The following AHNAK variants were observed in gnomAD, a reference collection of about 807,000 sequenced individuals.
The protein encoded by AHNAK is neuroblast differentiation-associated protein AHNAK.
AHNAK carries 23 observed loss-of-function variants against 37.8 expected under a neutral mutation model. The observed-to-expected ratio is 0.61, with a 90% CI of 0.44 to 0.86. AHNAK has a LOEUF of 0.86. AHNAK is among the 40% of genes least tolerant of loss of function. AHNAK has a pLI of 0.00. For missense variants in AHNAK, 7,411 were observed against 7,319.4 expected (o/e 1.01, Z -0.46); for synonymous variants, 2,481 against 2,636.3 (o/e 0.94, Z 1.80).
In AHNAK at chr11:62,521,717, C is replaced by G; in HGVS notation, c.12700G>C (p.Glu4234Gln). 6.2e-7 allele frequency: 1 copy of G among 1,613,892 alleles called. No individual in the cohort carries two copies. The highest frequency in any genetic ancestry group is 8.5e-7 in the Non-Finnish European group (1 of 1,179,994). ...CCCTTTAGTTTCGCATCTGGACCTTCGATATTCACATCAGGAACATCAATG... is the reference window on the plus strand; with the variant it reads ...CCCTTTAGTTTCGCATCTGGACCTTGGATATTCACATCAGGAACATCAATG... ...VDIDVPDVNI[E>Q]GPDAKLKGPK... The change falls in exon 5 of 5, where the codon GAA (glutamate) becomes CAA (glutamine). Residue 4234 changes from glutamate (E) to glutamine (Q), a missense_variant. Glu to Gln is a conservative substitution (Grantham distance 29). Transcript: ENST00000378024.
intron 4 of AHNAK, among the ~76,000 whole-genome samples, chr11:62,492,802 CAGG>C (rs1163082360): frequency 2.0e-5 from 3 of 151,136 alleles, no homozygotes; most frequent in African/African-American, 7.4e-5. Flanking sequence ...TGCCTGAGTC[CAGG>C]AGGTCAAGGC....
chr11:62,518,897 T>C lies in AHNAK; in HGVS notation c.15520A>G (p.Asn5174Asp), dbSNP rs763164549. 86 of 1,614,106 alleles carry C rather than the reference T, an allele frequency of 5.3e-5. 1 individual carries two copies. The South Asian group carries it at 7.8e-4, about 15-fold the overall frequency. ...ACTTTAGCATCTAGGCCTTCGATGT[T>C]GATGTCAGGTGCACCCAAGTTTGCC... ...VQANLGAPDINIEGLDAKVKT... is the reference protein window; with the variant it reads ...VQANLGAPDIDIEGLDAKVKT... Residue 5174 changes from asparagine (N) to aspartate (D), a missense_variant, in exon 5 of 5, where the codon AAC (asparagine) becomes GAC (aspartate). Transcript: ENST00000378024.
At chr11:62,469,704 G>C (rs922701700) in intron 5 of AHNAK, among the ~76,000 whole-genome samples, 1 of 152,034 alleles carries the variant, frequency 6.6e-6, no homozygotes, top group Non-Finnish European at 1.5e-5. Context: ...CTGGCCTCAC[G>C]TGATCTGCCC....
Position 62,528,652 on chromosome 11 carries a change from A to G in AHNAK, c.5765T>C (p.Ile1922Thr), listed in dbSNP as rs766864835. The change falls in exon 5 of 5, where the codon ATC (isoleucine) becomes ACC (threonine). Residue 1922 changes from isoleucine to threonine, a missense_variant. Physicochemically the swap from Ile to Thr is moderately conservative, Grantham distance 89 (BLOSUM62 -1). Coordinates refer to ENST00000378024, the MANE Select transcript of AHNAK (RefSeq NM_001620.3). ...MPDMHFKAPK[I>T]SMPDVDLHLK... Reference sequence around the variant, plus strand: ...GTGTAAGTCCACATCAGGCATGGAGATCTTGGGGGCCTTGAAGTGCATGTC... The same window carrying G: ...GTGTAAGTCCACATCAGGCATGGAGGTCTTGGGGGCCTTGAAGTGCATGTC... 1 of 1,609,112 alleles carries G rather than the reference A, an allele frequency of 6.2e-7. No individual in the cohort carries two copies. The highest frequency in any genetic ancestry group is 1.7e-5 in the Admixed American group (1 of 58,486).
Position 62,473,701 on chromosome 11 carries a change from T to C in AHNAK, c.442+18031A>G, listed in dbSNP as rs1168221582. On this transcript the variant is annotated intron_variant, in intron 5 of 5. Transcript: ENST00000257247. ...CTCCGTCTCAAAAAAAAAAAAGCTG[T>C]ATAAAACAATGATAGGAACCAGGCT... 3.4e-5 allele frequency among the ~76,000 whole-genome samples: 5 copies of C among 147,526 alleles called. No homozygotes were observed. The East Asian group carries it at 1.0e-3, about 29-fold the overall frequency.
chr11:62,517,949 C>T lies in AHNAK; in HGVS notation c.16468G>A (p.Gly5490Arg), dbSNP rs767744678. ...LPGIGVQGLEGNLQMPGIKSS... is the reference protein window; with the variant it reads ...LPGIGVQGLERNLQMPGIKSS... The stretch of plus-strand genomic sequence containing the variant: ...TTAATTCCAGGCATCTGGAGGTTTC[C>T]TTCTAGGCCTTGAACACCAATGCCT... Residue 5490 changes from glycine to arginine, a missense_variant, in exon 5 of 5, where the codon GGA (glycine) becomes AGA (arginine). Transcript: ENST00000378024. The T allele has an allele frequency of 1.9e-6, 3 of 1,614,192 alleles. No homozygotes were observed. Among genetic ancestry groups the T allele is most frequent in the Middle Eastern group, 1.6e-4 (1 of 6,062 alleles).
Position 62,535,678 on chromosome 11 carries a change from C to CCAAATCTG in AHNAK, c.154+259_154+266dup, listed in dbSNP as rs986116679. 7.9e-5 allele frequency among the ~76,000 whole-genome samples: 12 copies of CCAAATCTG among 152,116 alleles called. No individual in the cohort carries two copies. In the East Asian group the frequency reaches 2.3e-3, roughly 29 times the overall value. ...AAAAAAAAAAGGCCAACTCATTTGC[C>CCAAATCTG]CAAATCTGCAGAGCTAGTGGGTGGT... On this transcript the variant is annotated intron_variant, in intron 3 of 4. Transcript: ENST00000378024.
At chr11:62,534,866 G>T in intron 4 of AHNAK, 137 bp downstream of exon 4, 1 of 907,746 alleles carries the variant, frequency 1.1e-6, no homozygotes, top group Non-Finnish European at 1.6e-6. Flanking sequence ...AAGGGCTCAA[G>T]AGAGTGAAGA....
chr11:62,535,237 G>A (rs1186104624), intron 3 of AHNAK, 47 bp from the exon 4 acceptor site: 2 of 1,551,928 alleles, frequency 1.3e-6, no homozygotes, highest in South Asian at 1.1e-5. Flanking sequence ...AGAGCCTCAG[G>A]GAAACCGCAC....
chr11:62,524,458 C>G lies in AHNAK; in HGVS notation c.9959G>C (p.Gly3320Ala), dbSNP rs377728942. ...ATCCAAACTGGGAGCTTTAATGTCA[C>G]CTTCCAACTTGGGCCCAGAGACATC... Reference protein sequence around the residue: ...DVDVSGPKLEGDIKAPSLDIK... With the variant: ...DVDVSGPKLEADIKAPSLDIK... The change falls in exon 5 of 5, where the codon GGT becomes GCT. Residue 3320 changes from glycine (G) to alanine (A), a missense_variant. Physicochemically the swap from Gly to Ala is moderately conservative, Grantham distance 60 (BLOSUM62 0). Coordinates refer to ENST00000378024, the MANE Select transcript of AHNAK (RefSeq NM_001620.3). 32 of 1,613,934 alleles carry G rather than the reference C, an allele frequency of 2.0e-5. No individual in the cohort carries two copies. Among genetic ancestry groups the G allele is most frequent in the Non-Finnish European group, 2.7e-5 (32 of 1,179,998 alleles).
intron 4 of AHNAK, among the ~76,000 whole-genome samples, chr11:62,506,950 C>G (rs189880046): frequency 4.0e-4 from 61 of 152,250 alleles, no homozygotes; most frequent in African/African-American, 1.4e-3. Context: ...ACCAGCCAAG[C>G]TGCCTGGCTT....
At chr11:62,441,753 C>T (rs1450035176) in intron 5 of AHNAK, among the ~76,000 whole-genome samples, 1 of 152,006 alleles carries the variant, frequency 6.6e-6, no homozygotes, top group Non-Finnish European at 1.5e-5. Context: ...CCACCCACCT[C>T]GGCCTCCCAA....
rs761087764 is a variant in AHNAK, at chr11:62,525,261, A to T, written c.9156T>A (p.Asp3052Glu). The T allele has an allele frequency of 3.1e-6, 5 of 1,599,426 alleles. No homozygotes were observed. Among genetic ancestry groups the T allele is most frequent in the Non-Finnish European group, 4.3e-6 (5 of 1,174,422 alleles). ...CAATGTCCACCTTGGGTCCTGAGAC[A>T]TCAAGGTCAGCCTTGGGCAGGTTCA... ...VDVNLPKADL[D>E]VSGPKVDIDV... Residue 3052 changes from aspartate to glutamate, a missense_variant, in exon 5 of 5, where the codon GAT (aspartate) becomes GAA (glutamate). Coordinates refer to ENST00000378024, the MANE Select transcript of AHNAK (RefSeq NM_001620.3).
rs764806643 is a variant in AHNAK at position 62,526,811 on chromosome 11, T to C, written c.7606A>G (p.Lys2536Glu). 6.2e-7 allele frequency: 1 copy of C among 1,613,710 alleles called. No individual in the cohort carries two copies. The change falls in exon 5 of 5, where the codon AAG (lysine) becomes GAG (glutamate). Residue 2536 changes from lysine (K) to glutamate (E), a missense_variant. By Grantham distance (56) the Lys-to-Glu change is moderately conservative (BLOSUM62 1). Transcript: ENST00000378024. Reference protein sequence around the residue: ...EGPEVDVNLPKADVDISGPKV... With the variant: ...EGPEVDVNLPEADVDISGPKV... ...GGTCCTGAGATGTCAACGTCAGCCT[T>C]AGGCAAGTTGACGTCTACTTCAGGG...
At position 62,529,696 on chromosome 11, in the gene AHNAK, A is replaced by G; in HGVS notation, c.4721T>C (p.Ile1574Thr). ...AGGCATAGAGATTTTGTGCGTCTGTATATTCATGCTTGGCATCTTGAACTT... is the reference window on the plus strand; with the variant it reads ...AGGCATAGAGATTTTGTGCGTCTGTGTATTCATGCTTGGCATCTTGAACTT... ...GPKFKMPSMN[I>T]QTHKISMPDV... The change falls in exon 5 of 5, where the codon ATA becomes ACA. Residue 1574 changes from isoleucine (I) to threonine (T), a missense_variant. Physicochemically the swap from Ile to Thr is moderately conservative, Grantham distance 89. Transcript: ENST00000378024. 6.2e-7 allele frequency: 1 copy of G among 1,614,098 alleles called. No individual in the cohort carries two copies. The highest frequency in any genetic ancestry group is 8.5e-7 in the Non-Finnish European group (1 of 1,180,014).
intron 1 of AHNAK, among the ~76,000 whole-genome samples, chr11:62,544,526 C>T (rs879825380): frequency 9.9e-5 from 15 of 152,138 alleles, no homozygotes; most frequent in Non-Finnish European, 1.2e-4. Flanking sequence ...CCAAACCCTG[C>T]GACCTCTCCT....
At chr11:62,483,918 T>C (rs1939333223) in intron 5 of AHNAK, among the ~76,000 whole-genome samples, 1 of 146,608 alleles carries the variant, frequency 6.8e-6, no homozygotes, top group Admixed American at 6.9e-5. Context: ...GCGCCTGTAG[T>C]CCCAGCTACT....
chr11:62,541,380 C>T (rs11822448), intron 1 of AHNAK, among the ~76,000 whole-genome samples: 6,576 of 152,282 alleles, frequency 0.043, 492 homozygotes, highest in African/African-American at 0.15. Context: ...CGACCCACCA[C>T]ACACACAAGG....
downstream of AHNAK, among the ~76,000 whole-genome samples, chr11:62,515,024 A>T (rs998587465): frequency 6.6e-6 from 1 of 152,190 alleles, no homozygotes; most frequent in Non-Finnish European, 1.5e-5. Context: ...GAGGGGGACA[A>T]GCTTGGTCCA....
Sources: allele counts gnomAD v4.1 joint callset (sites outside exome capture counted in the v4.1 genomes callset), GRCh38; gene constraint gnomAD v4.1.1; transcripts MANE v1.5; gene names NCBI Gene and HGNC (gene_info 2026-07-23, HGNC 2026-07-21).